Variants in C1orf174 observed in about 807,000 individuals in gnomAD.
C1orf174 encodes the protein UPF0688 protein C1orf174.
Under a neutral mutation model 18.4 loss-of-function variants are expected in C1orf174, and 13 were observed. The observed-to-expected ratio is 0.71, with a 90% CI of 0.46 to 1.12. C1orf174 has a LOEUF of 1.12. C1orf174 is among the 50% of genes most tolerant of loss of function. The probability of loss-of-function intolerance (pLI) is 0.00; values close to 1 mark genes in which losing one functional copy is unlikely to be tolerated. For synonymous variants in C1orf174, 100 were observed against 118.3 expected, an observed-to-expected ratio of 0.85 and a Z score of 1.01; for missense variants, 309 against 308.0, an observed-to-expected ratio of 1.00 and a Z score of -0.02.
intron 1 of C1orf174, among the ~76,000 whole-genome samples, chr1:3,893,602 A>G (rs930067420): frequency 2.0e-5 from 3 of 152,264 alleles, no homozygotes; most frequent in Non-Finnish European, 4.4e-5. Flanking sequence ...GTTGCAAAAA[A>G]TAGTACAAAG....
chr1:3,894,077 G>C (rs765980817), intron 1 of C1orf174, among the ~76,000 whole-genome samples: 5 of 152,054 alleles, frequency 3.3e-5, no homozygotes, highest in Non-Finnish European at 7.3e-5. Flanking sequence ...CCGTTTTTCT[G>C]TTCCAGAATC....
intron 2 of C1orf174, chr1:3,891,573 T>C: frequency 2.0e-6 from 2 of 987,938 alleles, no homozygotes; most frequent in Non-Finnish European, 2.4e-6. Flanking sequence ...CGCTGGCATA[T>C]GGCCAAGTCC....
intron 1 of C1orf174, among the ~76,000 whole-genome samples, chr1:3,894,558 G>C (rs1638571184): frequency 7.1e-6 from 1 of 141,280 alleles, no homozygotes. Context: ...AGTGAGCCGA[G>C]ATTGCGCCAC....
chr1:3,894,639 A>T (rs7515869), intron 1 of C1orf174, among the ~76,000 whole-genome samples: 106,995 of 150,530 alleles, frequency 0.71, 38,293 homozygotes, highest in African/African-American at 0.76. Context: ...AATCTGTCTC[A>T]GCCATGCACC....
At chr1:3,891,806 G>A (rs1638521956) in intron 2 of C1orf174, 2 of 986,324 alleles carry the variant, frequency 2.0e-6, no homozygotes, top group African/African-American at 3.5e-5. Context: ...GAGCACAAGT[G>A]GCCTCAGAGC....
chr1:3,894,644 T>C (rs1302711590), intron 1 of C1orf174, among the ~76,000 whole-genome samples: 1 of 150,352 alleles, frequency 6.7e-6, no homozygotes, highest in African/African-American at 2.4e-5. Context: ...GTCTCAGCCA[T>C]GCACCCCGTA....
In C1orf174 at chr1:3,900,216, C is replaced by A; in HGVS notation, c.-30G>T. 1 of 1,564,710 alleles carries A rather than the reference C, an allele frequency of 6.4e-7. No individual in the cohort carries two copies. Among genetic ancestry groups the A allele is most frequent in the Non-Finnish European group, 8.6e-7 (1 of 1,166,516 alleles). ...GTGAGCACCGCAGCCAAGCACCGCG[C>A]GCCCCGGCCAACGCGTCCCGGCGGA... On this transcript the variant is annotated 5_prime_UTR_variant, in exon 1 of 4. Transcript: ENST00000361605.
intron 1 of C1orf174, among the ~76,000 whole-genome samples, chr1:3,899,056 G>GA (rs138047880): frequency 6.6e-6 from 1 of 151,622 alleles, no homozygotes; most frequent in African/African-American, 2.4e-5. Flanking sequence ...AAAAGTTGTG[G>GA]AAAAAAAATC....
intron 2 of C1orf174, 133 bp downstream of exon 2, chr1:3,892,750 T>C: frequency 1.4e-6 from 2 of 1,474,522 alleles, no homozygotes; most frequent in Non-Finnish European, 1.8e-6. Flanking sequence ...CCTTTTCATC[T>C]GCAATAGTCC....
chr1:3,895,617 T>C (rs1638592763), intron 1 of C1orf174: 1 of 152,214 alleles, frequency 6.6e-6, no homozygotes, highest in African/African-American at 2.4e-5. Context: ...CCTCTCCGGA[T>C]TGACAGGAGT....
chr1:3,893,379 TGAG>T (rs1638549439), intron 1 of C1orf174, among the ~76,000 whole-genome samples: 1 of 152,190 alleles, frequency 6.6e-6, no homozygotes. Context: ...AAAGGTAACA[TGAG>T]GAAACCAAAG....
chr1:3,893,269 T>G (rs1638547754), intron 1 of C1orf174, among the ~76,000 whole-genome samples: 1 of 152,176 alleles, frequency 6.6e-6, no homozygotes, highest in Admixed American at 6.5e-5. Context: ...CATTTGTCCT[T>G]TAGTGGAAAT....
In C1orf174 at chr1:3,900,234, C is replaced by CCGGCGGAGCGGCGACCCGGAGT. The variant is rs1553174366; in HGVS notation, c.-70_-49dup. ...CACCGCGCGCCCCGGCCAACGCGTC[C>CCGGCGGAGCGGCGACCCGGAGT]CGGCGGAGCGGCGACCCGGAGTCTG... On this transcript the variant is annotated 5_prime_UTR_variant, in exon 1 of 4. Coordinates refer to ENST00000361605, the MANE Select transcript of C1orf174 (RefSeq NM_207356.3). The CCGGCGGAGCGGCGACCCGGAGT allele has an allele frequency of 1.3e-6, 2 of 1,543,480 alleles. No individual in the cohort carries two copies. The highest frequency in any genetic ancestry group is 1.4e-5 in the African/African-American group (1 of 70,246).
intron 1 of C1orf174, among the ~76,000 whole-genome samples, chr1:3,893,220 C>T (rs1293646548): frequency 2.0e-5 from 3 of 152,174 alleles, no homozygotes; most frequent in Non-Finnish European, 2.9e-5. Context: ...AGGCTTGGGA[C>T]GATCTGTCCC....
Position 3,890,914 on chromosome 1 carries a change from A to G in C1orf174, c.273T>C (p.Pro91=). The G allele has an allele frequency of 6.2e-7, 1 of 1,614,012 alleles. No homozygotes were observed. The highest frequency in any genetic ancestry group is 1.3e-5 in the African/African-American group (1 of 75,014). Residue 91 remains proline (P), a synonymous_variant, in exon 3 of 4, where the codon CCT becomes CCC. Transcript: ENST00000361605. ...ASLPKVTPET[P]CENEFAEGSA... ...TGCCTTCAGCAAACTCATTTTCACA[A>G]GGGGTCTCAGGTGTCACTTTTGGCA...
intron 1 of C1orf174, among the ~76,000 whole-genome samples, chr1:3,894,460 AG>A (rs1213933369): frequency 4.6e-5 from 7 of 151,888 alleles, no homozygotes; most frequent in Non-Finnish European, 7.4e-5. Flanking sequence ...ACAAAAAATT[AG>A]CCGGGCGTGG....
At position 3,893,742 on chromosome 1, in the gene C1orf174, T is replaced by A. The variant is rs186840387; in HGVS notation, c.16-746A>T. On this transcript the variant is annotated intron_variant, in intron 1 of 3. Coordinates refer to ENST00000361605, the MANE Select transcript of C1orf174 (RefSeq NM_207356.3). ...AAAGCCCATCTTTAAAAAATTTTTT[T>A]AAAAATTAGCCAGGTGTGGTGGTGT... 7.9e-3 allele frequency among the ~76,000 whole-genome samples: 1,200 copies of A among 152,116 alleles called. 17 individuals carry two copies. The highest frequency in any genetic ancestry group is 0.027 in the African/African-American group (1,138 of 41,492).
At chr1:3,892,788 A>G in intron 2 of C1orf174, 95 bp downstream of exon 2, 1 of 1,517,602 alleles carries the variant, frequency 6.6e-7, no homozygotes, top group Non-Finnish European at 8.9e-7. Flanking sequence ...AACAGTCGAT[A>G]TTTTTCTAAA....
At chr1:3,898,190 C>T (rs1638642016) in intron 1 of C1orf174, among the ~76,000 whole-genome samples, 1 of 152,132 alleles carries the variant, frequency 6.6e-6, no homozygotes. Flanking sequence ...AACTTGTCAA[C>T]CAAGAATCCT....
Sources: allele counts gnomAD v4.1 joint callset (sites outside exome capture counted in the v4.1 genomes callset), GRCh38; gene constraint gnomAD v4.1.1; transcripts MANE v1.5; gene names NCBI Gene and HGNC (gene_info 2026-07-23, HGNC 2026-07-21).